The following ABHD2 variants were observed in gnomAD, a reference collection of about 807,000 sequenced individuals.
The protein encoded by ABHD2 is abhydrolase domain containing 2, acylglycerol lipase.
A neutral mutation model predicts 48.1 loss-of-function variants in ABHD2; 20 were observed. The ratio of observed to expected loss-of-function variants is 0.42; its 90% CI spans 0.29 to 0.60. ABHD2 has a LOEUF of 0.60. Among genes scored for constraint, ABHD2 ranks in the 20% least tolerant of loss-of-function variants. ABHD2 has a pLI of 0.24. For synonymous variants in ABHD2, 209 were observed against 214.2 expected, an observed-to-expected ratio of 0.98 and a Z score of 0.21; for missense variants, 405 against 550.9, an observed-to-expected ratio of 0.74 and a Z score of 2.65.
In ABHD2 at chr15:89,179,469, T is replaced by C. The variant is rs1306505575; in HGVS notation, c.722+3474T>C. 6.6e-6 allele frequency among the ~76,000 whole-genome samples: 1 copy of C among 152,200 alleles called. No individual in the cohort carries two copies. The highest frequency in any genetic ancestry group is 2.4e-5 in the African/African-American group (1 of 41,458). ...GTGAGGGATAGTTTGCATCTTCTTA[T>C]GAGAATCTAATATCTGATGATCTGT... On this transcript the variant is annotated intron_variant, in intron 6 of 10. Transcript: ENST00000352732. The surrounding 1 kb of genome is among the most constrained non-coding windows in gnomAD (Gnocchi z 4.3).
chr15:89,053,875 G>A, the ABHD2 span, among the ~76,000 whole-genome samples: 4 of 152,120 alleles, frequency 2.6e-5, no homozygotes, highest in Non-Finnish European at 5.9e-5. Context: ...CCCAATTAAG[G>A]TGCCAGCCTC....
upstream of ABHD2, chr15:89,086,946 T>TC (rs1901372880): frequency 6.6e-6 from 1 of 152,200 alleles, no homozygotes; most frequent in Non-Finnish European, 1.5e-5. Flanking sequence ...CCTTTTTTTT[T>TC]CAAGGTAACA....
In ABHD2 at chr15:89,114,806, T is replaced by G. The variant is rs1274577544; in HGVS notation, c.-7+982T>G. On this transcript the variant is annotated intron_variant, in intron 2 of 10. Coordinates refer to ENST00000352732, the MANE Select transcript of ABHD2 (RefSeq NM_152924.5). This position sits in a 1 kb window ranked among gnomAD's most constrained non-coding sequence, Gnocchi z 4.2. ...CCCAGAAGTTAAGTTTTAGGAAAAC[T>G]GTCTCCTCACAGAAGTTCAGTGTAG... Among the ~76,000 whole-genome samples, 1 of 152,220 alleles carries G rather than the reference T, an allele frequency of 6.6e-6. No homozygotes were observed. The highest frequency in any genetic ancestry group is 2.4e-5 in the African/African-American group (1 of 41,456).
intron 5 of ABHD2, among the ~76,000 whole-genome samples, chr15:89,165,789 A>AT (rs771066567): frequency 6.6e-5 from 10 of 152,198 alleles, no homozygotes; most frequent in Non-Finnish European, 1.3e-4. Context: ...CTTACTCTTT[A>AT]TTGACTTAAT....
At chr15:89,095,694 A>G (rs1048015946) in intron 1 of ABHD2, among the ~76,000 whole-genome samples, 4 of 152,140 alleles carry the variant, frequency 2.6e-5, no homozygotes, top group African/African-American at 9.7e-5. Flanking sequence ...TCCCCACCAC[A>G]CTTTTTGCTT....
At chr15:89,085,094 C>T (rs1901330541), upstream of ABHD2, among the ~76,000 whole-genome samples, 1 of 152,204 alleles carries the variant, frequency 6.6e-6, no homozygotes, top group African/African-American at 2.4e-5. The surrounding 1 kb of genome is among the most constrained non-coding windows in gnomAD (Gnocchi z 4.2). Context: ...CCTGCTGTCT[C>T]CCAGAGTACC....
At chr15:89,044,718 G>T in the ABHD2 span, among the ~76,000 whole-genome samples, 199 of 143,008 alleles carry the variant, frequency 1.4e-3, no homozygotes, top group South Asian at 2.7e-3. Flanking sequence ...AGAAGTGTCT[G>T]TTCACGTCCT....
rs1422838324 is a variant in ABHD2, at chr15:89,092,201, T to G, written c.-107+3638T>G. On this transcript the variant is annotated intron_variant, in intron 1 of 10. Coordinates refer to ENST00000352732, the MANE Select transcript of ABHD2 (RefSeq NM_152924.5). The surrounding 1 kb of genome is among the most constrained non-coding windows in gnomAD (Gnocchi z 4.4). ...CCCTGAAGCTTGTGGACTGGGGCCA[T>G]TTGGGTGAGGGGCTTGTTACACACC... Among the ~76,000 whole-genome samples the G allele has an allele frequency of 3.9e-5, 6 of 152,188 alleles. No individual in the cohort carries two copies. Among genetic ancestry groups the G allele is most frequent in the African/African-American group, 1.4e-4 (6 of 41,434 alleles).
At chr15:89,065,973 C>T in the ABHD2 span, among the ~76,000 whole-genome samples, 1 of 152,114 alleles carries the variant, frequency 6.6e-6, no homozygotes, top group Admixed American at 6.6e-5. Flanking sequence ...TACTTTTGCA[C>T]ATAAGGAAAC....
At chr15:89,108,239 C>G (rs1449160345) in intron 1 of ABHD2, among the ~76,000 whole-genome samples, 2 of 152,194 alleles carry the variant, frequency 1.3e-5, no homozygotes, top group African/African-American at 4.8e-5. Context: ...AAGGTTGGCT[C>G]CTTCCTTAGG....
chr15:89,079,731 G>A, the ABHD2 span, among the ~76,000 whole-genome samples: 1 of 152,212 alleles, frequency 6.6e-6, no homozygotes, highest in African/African-American at 2.4e-5. This position sits in a 1 kb window ranked among gnomAD's most constrained non-coding sequence, Gnocchi z 4.3. Context: ...CTAAGTCTCA[G>A]TAAGAACAGT....
chr15:89,058,412 A>T, the ABHD2 span, among the ~76,000 whole-genome samples: 1 of 152,184 alleles, frequency 6.6e-6, no homozygotes, highest in African/African-American at 2.4e-5. Flanking sequence ...AGACCTAGAG[A>T]AAATGAAGAT....
chr15:89,043,261 C>T, the ABHD2 span, among the ~76,000 whole-genome samples: 3 of 152,240 alleles, frequency 2.0e-5, no homozygotes, highest in African/African-American at 7.2e-5. Flanking sequence ...TTGCTTTCAG[C>T]AGAAGAGCTG....
rs2051197233 is a variant in ABHD2 at position 89,185,749 on chromosome 15, G to C, written c.815+233G>C. Among the ~76,000 whole-genome samples, 1 of 152,188 alleles carries C rather than the reference G, an allele frequency of 6.6e-6. No homozygotes were observed. On this transcript the variant is annotated intron_variant, in intron 7 of 10. Coordinates refer to ENST00000352732, the MANE Select transcript of ABHD2 (RefSeq NM_152924.5). This position sits in a 1 kb window ranked among gnomAD's most constrained non-coding sequence, Gnocchi z 5.9. Reference sequence around the variant, plus strand: ...TTTGGGAAGCTGAGGCGGGCAGATAGCTTGAGGCCAGGAATTTGAGACCAG... The same window carrying C: ...TTTGGGAAGCTGAGGCGGGCAGATACCTTGAGGCCAGGAATTTGAGACCAG...
the ABHD2 span, among the ~76,000 whole-genome samples, chr15:89,044,680 T>C: frequency 6.6e-6 from 1 of 151,914 alleles, no homozygotes; most frequent in Admixed American, 6.6e-5. Flanking sequence ...TTTCATGTGT[T>C]TTTTGGCTGC....
intron 3 of ABHD2, chr15:89,135,516 G>A (rs866503639): frequency 1.7e-5 from 19 of 1,147,558 alleles, no homozygotes; most frequent in African/African-American, 3.0e-5. Context: ...CTTTATAGAC[G>A]AGAAAAAAAA....
intron 6 of ABHD2, among the ~76,000 whole-genome samples, chr15:89,181,738 G>C (rs12441255): frequency 0.69 from 104,582 of 152,168 alleles, 37,220 homozygotes; most frequent in African/African-American, 0.87. Context: ...ACTTTAATTC[G>C]TTTTCATCAG....
chr15:89,185,307 C>T lies in ABHD2; in HGVS notation c.723-117C>T. 1 of 704,720 alleles carries T rather than the reference C, an allele frequency of 1.4e-6. No individual in the cohort carries two copies. Among genetic ancestry groups the T allele is most frequent in the Admixed American group, 2.7e-5 (1 of 36,802 alleles). 43.7% of individuals were successfully genotyped at this position (704,720 alleles called of 1,614,324 possible). A position where few individuals can be genotyped will look rare whatever the true frequency, so the allele number is the denominator to read the frequency against. On this transcript the variant is annotated intron_variant, in intron 6 of 10. Coordinates refer to ENST00000352732, the MANE Select transcript of ABHD2 (RefSeq NM_152924.5). This position sits in a 1 kb window ranked among gnomAD's most constrained non-coding sequence, Gnocchi z 5.9. ...AGCCTCTGTTTTAATGCAGAGGCCA[C>T]AGCCTGAGAGCCGGCCCTCTCCACA...
chr15:89,091,879 A>G lies in ABHD2; in HGVS notation c.-107+3316A>G, dbSNP rs971187947. Reference sequence around the variant, plus strand: ...TTTCTGTTTCATCTTGGGCTAAGCTATCCCCAGGAACAGAGCAATGAGAAG... The same window carrying G: ...TTTCTGTTTCATCTTGGGCTAAGCTGTCCCCAGGAACAGAGCAATGAGAAG... On this transcript the variant is annotated intron_variant, in intron 1 of 10. Transcript: ENST00000352732. The surrounding 1 kb of genome is among the most constrained non-coding windows in gnomAD (Gnocchi z 5.5). Among the ~76,000 whole-genome samples, 2 of 152,206 alleles carry G rather than the reference A, an allele frequency of 1.3e-5. No homozygotes were observed. Among genetic ancestry groups the G allele is most frequent in the East Asian group, 3.8e-4 (2 of 5,206 alleles).
Sources: gnomAD v4.1 joint callset for allele counts (sites outside exome capture counted in the v4.1 genomes callset) on GRCh38, gnomAD v4.1.1 for gene constraint, Gnocchi (gnomAD v3.1) non-coding constraint, MANE v1.5 for transcripts, NCBI Gene and HGNC (gene_info 2026-07-23, HGNC 2026-07-21) for gene names.